The following IRAK2 variants were observed in gnomAD, a reference collection of about 807,000 sequenced individuals.
IRAK2 encodes interleukin 1 receptor associated kinase 2.
IRAK2 carries 57 observed loss-of-function variants against 72.0 expected under a neutral mutation model. That is an observed-to-expected ratio of 0.79 (90% CI 0.64 to 0.99). The LOEUF (loss-of-function observed/expected upper bound fraction) is 0.99, where lower values mean the gene tolerates loss of function less well. IRAK2 is among the 50% of genes least tolerant of loss of function. IRAK2 has a pLI of 0.00. For missense variants in IRAK2, 790 were observed against 794.4 expected (o/e 0.99, Z 0.07); for synonymous variants, 293 against 312.7 (o/e 0.94, Z 0.67).
At chr3:10,178,755 G>T (rs1192089985) in intron 2 of IRAK2, among the ~76,000 whole-genome samples, 1 of 152,166 alleles carries the variant, frequency 6.6e-6, no homozygotes, top group Admixed American at 6.5e-5. Context: ...TGTCTTACTA[G>T]AAATTTTCTC....
rs34759742 is a variant in IRAK2 at position 10,167,095 on chromosome 3, TA to T, written c.94+2057del. Reference sequence around the variant, plus strand: ...TCAATTAGAAGGCATACCTATGACTTAAAAAAAAAATAAAGCTTTACTGAGA... The same window carrying T: ...TCAATTAGAAGGCATACCTATGACTTAAAAAAAAATAAAGCTTTACTGAGA... On this transcript the variant is annotated intron_variant, in intron 1 of 12. Transcript: ENST00000256458. Among the ~76,000 whole-genome samples, 13 of 150,478 alleles carry T rather than the reference TA, an allele frequency of 8.6e-5. No individual in the cohort carries two copies. The East Asian group carries it at 1.6e-3, about 18-fold the overall frequency.
At position 10,168,280 on chromosome 3, in the gene IRAK2, G is replaced by A. The variant is rs367886017; in HGVS notation, c.94+3232G>A. Among the ~76,000 whole-genome samples, 141 of 149,480 alleles carry A rather than the reference G, an allele frequency of 9.4e-4. 3 individuals carry two copies. The South Asian group carries it at 0.027, about 29-fold the overall frequency. ...GGCTGGAGTGCAGTGGCATGATCTC[G>A]GCTCGCTGCAACCTTAGCCTCCTGG... On this transcript the variant is annotated intron_variant, in intron 1 of 12. Coordinates refer to ENST00000256458, the MANE Select transcript of IRAK2 (RefSeq NM_001570.4).
intron 6 of IRAK2, among the ~76,000 whole-genome samples, chr3:10,214,102 T>C (rs1187964646): frequency 6.6e-6 from 1 of 152,142 alleles, no homozygotes; most frequent in Admixed American, 6.6e-5. Context: ...CTAATTTTCA[T>C]ATTTTTAGTA....
chr3:10,209,783 A>G (rs1697490429), intron 4 of IRAK2, 91 bp downstream of exon 4: 1 of 670,926 alleles, frequency 1.5e-6, no homozygotes, highest in Admixed American at 3.1e-5. Context: ...CCTTGAGACC[A>G]GTTTAAGGGT....
At chr3:10,167,466 G>A (rs1378525410) in intron 1 of IRAK2, among the ~76,000 whole-genome samples, 1 of 151,536 alleles carries the variant, frequency 6.6e-6, no homozygotes, top group African/African-American at 2.4e-5. Context: ...CCAGGCTGGA[G>A]TGCAGTGGCG....
intron 2 of IRAK2, among the ~76,000 whole-genome samples, chr3:10,185,764 T>C (rs1186071550): frequency 1.3e-5 from 2 of 151,302 alleles, no homozygotes; most frequent in East Asian, 3.9e-4. Context: ...TGATCTCAGC[T>C]ACTTGGGAGG....
intron 11 of IRAK2, among the ~76,000 whole-genome samples, chr3:10,237,249 G>A (rs1044153789): frequency 6.6e-6 from 1 of 152,188 alleles, no homozygotes; most frequent in Non-Finnish European, 1.5e-5. Context: ...CTTGAAGGAT[G>A]AGACGTTTGC....
At chr3:10,187,780 G>T (rs1214758387) in intron 2 of IRAK2, among the ~76,000 whole-genome samples, 4 of 152,152 alleles carry the variant, frequency 2.6e-5, no homozygotes, top group Non-Finnish European at 5.9e-5. Flanking sequence ...AATATACTTT[G>T]TGAGTCACTG....
chr3:10,211,283 A>G (rs1262031451), intron 4 of IRAK2, among the ~76,000 whole-genome samples: 1 of 152,014 alleles, frequency 6.6e-6, no homozygotes, highest in Non-Finnish European at 1.5e-5. Flanking sequence ...CCGGGATTAT[A>G]GGTGTGTGCC....
intron 2 of IRAK2, among the ~76,000 whole-genome samples, chr3:10,182,496 T>C (rs1438255822): frequency 6.6e-6 from 1 of 151,310 alleles, no homozygotes; most frequent in Non-Finnish European, 1.5e-5. Flanking sequence ...TTAGCCAGGA[T>C]GGTCTCGATC....
intron 9 of IRAK2, among the ~76,000 whole-genome samples, chr3:10,225,512 T>A (rs1697759935): frequency 6.6e-6 from 1 of 152,180 alleles, no homozygotes; most frequent in Non-Finnish European, 1.5e-5. Context: ...CTTACACGTA[T>A]ACAGGGTTGT....
At chr3:10,199,454 G>A (rs1697320150) in intron 2 of IRAK2, among the ~76,000 whole-genome samples, 1 of 152,216 alleles carries the variant, frequency 6.6e-6, no homozygotes, top group African/African-American at 2.4e-5. Context: ...TGTCTGTGCA[G>A]CTGGGCCTGG....
Position 10,216,958 on chromosome 3 carries a change from T to C in IRAK2, c.813T>C (p.Pro271=). 1 of 1,614,162 alleles carries C rather than the reference T, an allele frequency of 6.2e-7. No individual in the cohort carries two copies. The highest frequency in any genetic ancestry group is 1.1e-5 in the South Asian group (1 of 91,082). ...CLRCCHPNVL[P]VLGFCAARQF... is the part of the protein sequence containing the mutation. ...GATGCTGCCACCCCAATGTCTTACC[T>C]GTGCTGGGCTTCTGTGCTGCAAGAC... is the stretch of plus-strand genomic sequence containing the variant. The change falls in exon 7 of 13, where the codon CCT becomes CCC. Residue 271 remains proline (P), a synonymous_variant. Transcript: ENST00000256458.
Position 10,234,420 on chromosome 3 carries a change from G to A in IRAK2, c.1273-39G>A, listed in dbSNP as rs201879974. 1.6e-5 allele frequency: 25 copies of A among 1,577,622 alleles called. No individual in the cohort carries two copies. In the East Asian group the frequency reaches 5.2e-4, roughly 33 times the overall value. ...CGCGTGCGTTGGCTCTCGCAGCTCT[G>A]CAGCTCACGCAAGGGCGTTTCTACC... On this transcript the variant is annotated intron_variant, in intron 10 of 12. Coordinates refer to ENST00000256458, the MANE Select transcript of IRAK2 (RefSeq NM_001570.4).
chr3:10,224,302 A>C (rs370110059), intron 9 of IRAK2, among the ~76,000 whole-genome samples: 73 of 148,454 alleles, frequency 4.9e-4, no homozygotes, highest in African/African-American at 1.8e-3. Context: ...GCGCCATTGC[A>C]CTCCAGCCTG....
intron 3 of IRAK2, among the ~76,000 whole-genome samples, chr3:10,201,939 G>A (rs1486582375): frequency 3.3e-5 from 5 of 152,178 alleles, no homozygotes; most frequent in East Asian, 3.8e-4. Flanking sequence ...ATGACTTAGC[G>A]TTTGTACCTC....
chr3:10,205,317 A>G (rs1697419394), intron 3 of IRAK2, among the ~76,000 whole-genome samples: 1 of 152,160 alleles, frequency 6.6e-6, no homozygotes, highest in Non-Finnish European at 1.5e-5. Flanking sequence ...CTGGGTAGGG[A>G]GAGATGGAGA....
intron 2 of IRAK2, among the ~76,000 whole-genome samples, chr3:10,192,023 A>AGTGTGT (rs56802078): frequency 0.027 from 3,721 of 135,760 alleles, 121 homozygotes; most frequent in African/African-American, 0.074. Flanking sequence ...TTGAGTTGGG[A>AGTGTGT]GTGTGTGTGT....
At chr3:10,207,458 C>T (rs1697449277) in intron 3 of IRAK2, among the ~76,000 whole-genome samples, 1 of 152,178 alleles carries the variant, frequency 6.6e-6, no homozygotes, top group Non-Finnish European at 1.5e-5. Context: ...TGTTTGAAGC[C>T]TCTGGCCTTT....
Sources: allele counts gnomAD v4.1 joint callset (sites outside exome capture counted in the v4.1 genomes callset), GRCh38; gene constraint gnomAD v4.1.1; transcripts MANE v1.5; gene names NCBI Gene and HGNC (gene_info 2026-07-23, HGNC 2026-07-21).